COL5A2: variants seen among roughly 807,000 people sequenced by gnomAD.
COL5A2 encodes the protein collagen alpha-2(V) chain.
Under a neutral mutation model 208.2 loss-of-function variants are expected in COL5A2, and 23 were observed. The observed-to-expected ratio is 0.11, with a 90% CI of 0.08 to 0.16. The LOEUF (loss-of-function observed/expected upper bound fraction) is 0.16. Ranked by LOEUF, COL5A2 falls within the 10% of genes least tolerant of loss-of-function variation. The probability of loss-of-function intolerance (pLI) is 1.00; values close to 1 mark genes in which losing one functional copy is unlikely to be tolerated. For missense variants in COL5A2, 1,590 were observed against 1,956.4 expected, an observed-to-expected ratio of 0.81 and a Z score of 3.53; for synonymous variants, 625 against 628.5, an observed-to-expected ratio of 0.99 and a Z score of 0.08.
the COL5A2 span, among the ~76,000 whole-genome samples, chr2:189,400,463 G>T: frequency 1.3e-5 from 2 of 151,986 alleles, no homozygotes; most frequent in Admixed American, 6.6e-5. Flanking sequence ...ACTTTTTTCA[G>T]TTATTTACTT....
At chr2:189,374,034 T>C in the COL5A2 span, among the ~76,000 whole-genome samples, 101 of 152,262 alleles carry the variant, frequency 6.6e-4, no homozygotes, top group African/African-American at 2.3e-3. Context: ...GAGTCCATTT[T>C]TGAAGGAAAA....
At chr2:189,412,819 A>C in the COL5A2 span, among the ~76,000 whole-genome samples, 2 of 152,232 alleles carry the variant, frequency 1.3e-5, no homozygotes, top group Non-Finnish European at 2.9e-5. Flanking sequence ...ATCTCTTAAC[A>C]TCAAAACATA....
intron 45 of COL5A2, among the ~76,000 whole-genome samples, chr2:189,046,783 TGAA>T (rs2153507506): frequency 6.6e-6 from 1 of 151,532 alleles, no homozygotes; most frequent in South Asian, 2.1e-4. Context: ...CATAATACAT[TGAA>T]TAAGCTGAAT....
intron 6 of COL5A2, among the ~76,000 whole-genome samples, chr2:189,093,858 C>A (rs1419463632): frequency 1.3e-5 from 2 of 152,146 alleles, no homozygotes; most frequent in African/African-American, 4.8e-5. Flanking sequence ...ACAGCACAGA[C>A]AAAATAATAG....
At chr2:189,317,372 T>C in the COL5A2 span, among the ~76,000 whole-genome samples, 1 of 152,142 alleles carries the variant, frequency 6.6e-6, no homozygotes, top group Non-Finnish European at 1.5e-5. Flanking sequence ...AGGTTTTCCA[T>C]TTTTTAATAG....
chr2:189,037,385 C>T (rs1189544797), intron 51 of COL5A2, among the ~76,000 whole-genome samples: 6 of 152,158 alleles, frequency 3.9e-5, no homozygotes, highest in Middle Eastern at 3.2e-3. Flanking sequence ...CATTTGCATA[C>T]ATGGGTGTGT....
At chr2:189,325,225 T>G in the COL5A2 span, among the ~76,000 whole-genome samples, 1 of 151,672 alleles carries the variant, frequency 6.6e-6, no homozygotes, top group Non-Finnish European at 1.5e-5. Flanking sequence ...AAATGACGAG[T>G]TAATGGGTGC....
the COL5A2 span, among the ~76,000 whole-genome samples, chr2:189,404,123 G>T: frequency 6.6e-6 from 1 of 152,192 alleles, no homozygotes; most frequent in Non-Finnish European, 1.5e-5. Context: ...TCACATGAGT[G>T]ATATGATTAA....
intron 1 of COL5A2, among the ~76,000 whole-genome samples, chr2:189,202,979 T>C (rs537601897): frequency 6.6e-5 from 10 of 152,284 alleles, no homozygotes; most frequent in African/African-American, 2.4e-4. Flanking sequence ...TATTTTTTCC[T>C]ATGGTAGAAT....
At position 189,063,229 on chromosome 2, in the gene COL5A2, G is replaced by A. The variant is rs1576502365; in HGVS notation, c.1812C>T (p.Ser604=). Residue 604 remains serine (S), a synonymous_variant, in exon 27 of 54, where the codon TCC becomes TCT. Coordinates refer to ENST00000374866, the MANE Select transcript of COL5A2 (RefSeq NM_000393.5). Reference sequence around the variant, plus strand: ...TCCCGGGCTGCCCTCTGATTCCTATGGAGCCTGGAGGACCTGGACGGCCAT... The same window carrying A: ...TCCCGGGCTGCCCTCTGATTCCTATAGAGCCTGGAGGACCTGGACGGCCAT... The part of the protein sequence containing the change: ...GEDGRPGPPG[S]IGIRGQPGSM... 3.7e-6 allele frequency: 6 copies of A among 1,614,140 alleles called. No homozygotes were observed. The highest frequency in any genetic ancestry group is 4.2e-6 in the Non-Finnish European group (5 of 1,180,040).
chr2:189,149,453 T>C (rs923152223), intron 1 of COL5A2, among the ~76,000 whole-genome samples: 31 of 152,218 alleles, frequency 2.0e-4, no homozygotes, highest in African/African-American at 7.5e-4. Flanking sequence ...TATTTAATAT[T>C]GGCTCTATAT....
intron 1 of COL5A2, among the ~76,000 whole-genome samples, chr2:189,197,026 A>G (rs1689009916): frequency 2.0e-5 from 3 of 152,200 alleles, no homozygotes; most frequent in Admixed American, 2.0e-4. Context: ...ACTATTTACA[A>G]TAGCAAAGAC....
At chr2:189,356,633 C>T in the COL5A2 span, among the ~76,000 whole-genome samples, 9 of 152,292 alleles carry the variant, frequency 5.9e-5, no homozygotes, top group African/African-American at 1.9e-4. Context: ...AGCAATTCAT[C>T]TAACCTTTTT....
the COL5A2 span, among the ~76,000 whole-genome samples, chr2:189,419,424 C>T: frequency 6.6e-6 from 1 of 152,030 alleles, no homozygotes; most frequent in Non-Finnish European, 1.5e-5. Flanking sequence ...CACAATATTA[C>T]AAAACAAGTA....
the COL5A2 span, among the ~76,000 whole-genome samples, chr2:189,252,918 T>C: frequency 3.3e-5 from 5 of 152,166 alleles, no homozygotes; most frequent in South Asian, 2.1e-4. Flanking sequence ...TGAAGGAAAA[T>C]TGGACTCCAG....
chr2:189,098,908 T>C (rs1686976946), intron 4 of COL5A2, 149 bp from the exon 5 acceptor site: 1 of 637,296 alleles, frequency 1.6e-6, no homozygotes. Flanking sequence ...CTCCTCTCCT[T>C]AAGATTTAAG....
At position 189,198,147 on chromosome 2, in the gene COL5A2, C is replaced by G. The variant is rs543687580; in HGVS notation, c.-42+27001G>C. Among the ~76,000 whole-genome samples the G allele has an allele frequency of 1.4e-4, 22 of 152,182 alleles. 1 individual carries two copies. The South Asian group carries it at 4.6e-3, about 32-fold the overall frequency. On this transcript the variant is annotated intron_variant, in intron 1 of 10. Coordinates refer to the COL5A2 transcript ENST00000649966. Reference sequence around the variant, plus strand: ...ATATTTAGATCTAGGAGTACATTACCCCTACCTGAAGAAGAGTATGTTAGT... The same window carrying G: ...ATATTTAGATCTAGGAGTACATTACGCCTACCTGAAGAAGAGTATGTTAGT...
At chr2:189,353,392 T>C in the COL5A2 span, among the ~76,000 whole-genome samples, 1 of 152,214 alleles carries the variant, frequency 6.6e-6, no homozygotes, top group African/African-American at 2.4e-5. Context: ...ACGTGGCCAT[T>C]TTCACAATAT....
chr2:189,062,799 A>G, intron 29 of COL5A2, 66 bp downstream of exon 29: 1 of 1,588,506 alleles, frequency 6.3e-7, no homozygotes, highest in Non-Finnish European at 8.6e-7. Flanking sequence ...TTGAACAAAC[A>G]TCATCGAAAA....
Sources: gnomAD v4.1 joint callset for allele counts (sites outside exome capture counted in the v4.1 genomes callset) on GRCh38, gnomAD v4.1.1 for gene constraint, MANE v1.5 for transcripts, NCBI Gene and HGNC (gene_info 2026-07-23, HGNC 2026-07-21) for gene names.